Variants in TMEM132D observed in about 807,000 individuals in gnomAD.
The protein encoded by TMEM132D is transmembrane protein 132D.
A neutral mutation model predicts 62.3 loss-of-function variants in TMEM132D; 21 were observed. That is an observed-to-expected ratio of 0.34 (90% CI 0.24 to 0.49). The LOEUF (loss-of-function observed/expected upper bound fraction) is 0.49, where lower values mean the gene tolerates loss of function less well. TMEM132D is among the 20% of genes least tolerant of loss of function. TMEM132D has a pLI of 0.99. For missense variants in TMEM132D, 1,346 were observed against 1,402.8 expected, an observed-to-expected ratio of 0.96 and a Z score of 0.65; for synonymous variants, 621 against 575.6, an observed-to-expected ratio of 1.08 and a Z score of -1.13.
At chr12:129,273,432 T>G (rs1010582203) in intron 4 of TMEM132D, among the ~76,000 whole-genome samples, 1 of 96,152 alleles carries the variant, frequency 1.0e-5, no homozygotes, top group African/African-American at 3.8e-5. Context: ...TAAATCAGCC[T>G]GTCAAAAAAA....
chr12:129,724,869 C>T (rs996594291), intron 1 of TMEM132D, among the ~76,000 whole-genome samples: 16 of 152,156 alleles, frequency 1.1e-4, no homozygotes, highest in African/African-American at 3.9e-4. Flanking sequence ...CTTACAGCGG[C>T]AATAGGAAAT....
chr12:129,265,990 T>C lies in TMEM132D; in HGVS notation c.1300-56327A>G, dbSNP rs79192951. 2.8e-3 allele frequency among the ~76,000 whole-genome samples: 432 copies of C among 152,226 alleles called. 3 individuals carry two copies. The highest frequency in any genetic ancestry group is 9.9e-3 in the African/African-American group (413 of 41,548). ...GTTACATTTACTGCCTGGCTTGGCA[T>C]GTAGTAGGTGCCCAATAAATAGGTG... On this transcript the variant is annotated intron_variant, in intron 4 of 8. Transcript: ENST00000422113.
intron 4 of TMEM132D, among the ~76,000 whole-genome samples, chr12:129,241,031 G>A (rs7138061): frequency 0.015 from 2,314 of 151,512 alleles, 61 homozygotes; most frequent in African/African-American, 0.053. Flanking sequence ...TCTCCTGCCT[G>A]TGTTTGGGTG....
At position 129,799,023 on chromosome 12, in the gene TMEM132D, T is replaced by C. The variant is rs560134658; in HGVS notation, c.80-98325A>G. On this transcript the variant is annotated intron_variant, in intron 1 of 8. Transcript: ENST00000422113. ...GCTCACGCCTGTAATCCCAGCACTC[T>C]GGGAGGCCAAGGCGGGCGGATCACA... Among the ~76,000 whole-genome samples the C allele has an allele frequency of 2.0e-4, 30 of 152,316 alleles. No individual in the cohort carries two copies. The East Asian group carries it at 5.6e-3, about 28-fold the overall frequency.
At chr12:129,718,470 C>T (rs1009977434) in intron 1 of TMEM132D, among the ~76,000 whole-genome samples, 7 of 152,244 alleles carry the variant, frequency 4.6e-5, no homozygotes, top group African/African-American at 1.4e-4. Context: ...AAAACCTTTA[C>T]TGGCCAGTTG....
chr12:129,285,523 T>A (rs1881268355), intron 4 of TMEM132D, among the ~76,000 whole-genome samples: 1 of 2,134 alleles, frequency 4.7e-4, no homozygotes, highest in Non-Finnish European at 0.023. Context: ...TGAGACTGTG[T>A]CTCAAAAAAA....
intron 4 of TMEM132D, among the ~76,000 whole-genome samples, chr12:129,311,747 G>C (rs1012052612): frequency 6.6e-6 from 1 of 152,150 alleles, no homozygotes; most frequent in Non-Finnish European, 1.5e-5. Flanking sequence ...CTGGCTGTGA[G>C]GCATGCTGGT....
chr12:129,673,555 G>GC (rs1283407587), intron 2 of TMEM132D, among the ~76,000 whole-genome samples: 1 of 152,124 alleles, frequency 6.6e-6, no homozygotes, highest in Non-Finnish European at 1.5e-5. Context: ...GAAAAAACTA[G>GC]CCCCCATTCT....
intron 3 of TMEM132D, among the ~76,000 whole-genome samples, chr12:129,378,995 C>T (rs1306827961): frequency 6.6e-6 from 1 of 152,098 alleles, no homozygotes; most frequent in Non-Finnish European, 1.5e-5. Context: ...TCAGAGAGGC[C>T]TCCTGAGAAT....
intron 7 of TMEM132D, 56 bp downstream of exon 7, chr12:129,081,703 G>A (rs2135615479): frequency 6.6e-7 from 1 of 1,526,544 alleles, no homozygotes; most frequent in Non-Finnish European, 8.8e-7. Context: ...TCTAGGTAGA[G>A]CAGAGGTGGG....
chr12:129,648,663 A>G (rs913710858), intron 2 of TMEM132D, among the ~76,000 whole-genome samples: 3 of 152,210 alleles, frequency 2.0e-5, no homozygotes, highest in Non-Finnish European at 4.4e-5. Flanking sequence ...TAATGTATCT[A>G]TGTTCAATTG....
chr12:129,731,893 A>T (rs1460939943), intron 1 of TMEM132D, among the ~76,000 whole-genome samples: 1 of 152,122 alleles, frequency 6.6e-6, no homozygotes, highest in African/African-American at 2.4e-5. Context: ...CGATCTCCTG[A>T]CCTTGTGAAC....
chr12:129,897,796 G>T (rs955715163), intron 1 of TMEM132D, among the ~76,000 whole-genome samples: 3 of 152,122 alleles, frequency 2.0e-5, no homozygotes, highest in Non-Finnish European at 4.4e-5. Context: ...TGTATACCAG[G>T]CTCTGAGCTA....
chr12:129,769,937 G>T (rs1477488270), intron 1 of TMEM132D, among the ~76,000 whole-genome samples: 1 of 151,992 alleles, frequency 6.6e-6, no homozygotes, highest in Admixed American at 6.6e-5. Flanking sequence ...AGGCTAGGAT[G>T]CAGTGGTATG....
At chr12:129,733,111 G>A (rs1869303962) in intron 1 of TMEM132D, among the ~76,000 whole-genome samples, 2 of 152,146 alleles carry the variant, frequency 1.3e-5, no homozygotes, top group South Asian at 4.1e-4. Flanking sequence ...AGCATTTCCT[G>A]AGTTGTGTGC....
intron 3 of TMEM132D, 133 bp from the exon 4 acceptor site, chr12:129,337,950 G>A (rs901780751): frequency 6.8e-6 from 6 of 881,780 alleles, no homozygotes; most frequent in Non-Finnish European, 1.0e-5. Context: ...TCTCTGCAAA[G>A]AGCATTCAGA....
chr12:129,825,515 C>T (rs1407847422), intron 1 of TMEM132D, among the ~76,000 whole-genome samples: 4 of 152,188 alleles, frequency 2.6e-5, no homozygotes, highest in Admixed American at 2.0e-4. Flanking sequence ...CTTGACCCAT[C>T]GGTGACGCCA....
At chr12:129,210,692 T>C (rs577791115) in intron 4 of TMEM132D, among the ~76,000 whole-genome samples, 1 of 152,322 alleles carries the variant, frequency 6.6e-6, no homozygotes, top group African/African-American at 2.4e-5. Context: ...GTATCTGCTT[T>C]CTGCTCACCA....
chr12:129,147,243 T>TAG (rs898377778), intron 5 of TMEM132D, among the ~76,000 whole-genome samples: 62 of 148,496 alleles, frequency 4.2e-4, no homozygotes, highest in African/African-American at 1.5e-3. Flanking sequence ...TATATACATA[T>TAG]GTTTATGTAT....
Sources: gnomAD v4.1 joint callset for allele counts (sites outside exome capture counted in the v4.1 genomes callset) on GRCh38, gnomAD v4.1.1 for gene constraint, MANE v1.5 for transcripts, NCBI Gene and HGNC (gene_info 2026-07-23, HGNC 2026-07-21) for gene names.